SEMA6D: variants seen among roughly 807,000 people sequenced by gnomAD.
The protein encoded by SEMA6D is semaphorin-6D.
A neutral mutation model predicts 106.6 loss-of-function variants in SEMA6D; 35 were observed. The observed-to-expected ratio is 0.33, with a 90% confidence interval of 0.25 to 0.44. SEMA6D has a LOEUF of 0.44. SEMA6D is among the 20% of genes least tolerant of loss of function. The pLI is 1.00. For synonymous variants in SEMA6D, 499 were observed against 487.7 expected (o/e 1.02, Z -0.31); for missense variants, 1,185 against 1,345.9 (o/e 0.88, Z 1.87).
intron 1 of SEMA6D, among the ~76,000 whole-genome samples, chr15:47,737,110 G>C (rs1383226562): frequency 1.3e-5 from 2 of 152,120 alleles, no homozygotes; most frequent in Non-Finnish European, 2.9e-5. Flanking sequence ...GAAGGAAAAA[G>C]GGAGCAAAAA....
intron 1 of SEMA6D, 104 bp from the exon 2 acceptor site, chr15:47,759,641 G>A: frequency 1.6e-6 from 1 of 614,814 alleles, no homozygotes; most frequent in Non-Finnish European, 2.9e-6. Context: ...CCTGGTGGGA[G>A]AGGGGCTTTG....
At chr15:47,258,487 C>A (rs571930093) in intron 1 of SEMA6D, among the ~76,000 whole-genome samples, 264 of 152,240 alleles carry the variant, frequency 1.7e-3, no homozygotes, top group South Asian at 5.4e-3. Context: ...CCAAATAGAA[C>A]AAAAAGGTGG....
At chr15:47,638,808 G>A (rs1245019974) in intron 4 of SEMA6D, among the ~76,000 whole-genome samples, 2 of 152,140 alleles carry the variant, frequency 1.3e-5, no homozygotes, top group Non-Finnish European at 2.9e-5. Context: ...TTTAAAAACC[G>A]GCTGCCTCAA....
chr15:47,728,004 G>A (rs2079874798), intron 1 of SEMA6D, among the ~76,000 whole-genome samples: 2 of 152,218 alleles, frequency 1.3e-5, no homozygotes, highest in African/African-American at 4.8e-5. Flanking sequence ...GAAATGGTTT[G>A]GGTTGCAGTG....
chr15:47,555,313 C>T (rs757503614), intron 3 of SEMA6D, among the ~76,000 whole-genome samples: 16 of 152,084 alleles, frequency 1.1e-4, no homozygotes, highest in African/African-American at 7.2e-5. Context: ...TTTCTCATAA[C>T]GGTTATCTGT....
chr15:47,259,715 T>G (rs2142059601), intron 1 of SEMA6D, among the ~76,000 whole-genome samples: 1 of 152,248 alleles, frequency 6.6e-6, no homozygotes, highest in Admixed American at 6.5e-5. Flanking sequence ...GTACATTGGG[T>G]TTTTTACCCA....
At chr15:47,518,321 T>A (rs1326062986) in intron 3 of SEMA6D, among the ~76,000 whole-genome samples, 1 of 152,186 alleles carries the variant, frequency 6.6e-6, no homozygotes, top group Non-Finnish European at 1.5e-5. Context: ...AGGATAAGCC[T>A]TTGTCTTATC....
intron 1 of SEMA6D, among the ~76,000 whole-genome samples, chr15:47,255,527 T>C (rs1347492635): frequency 6.6e-6 from 1 of 152,092 alleles, no homozygotes; most frequent in Non-Finnish European, 1.5e-5. Context: ...TAACATTAGG[T>C]TATTAGAGAC....
At chr15:47,193,338 A>G (rs1055079817) in intron 1 of SEMA6D, among the ~76,000 whole-genome samples, 1 of 152,226 alleles carries the variant, frequency 6.6e-6, no homozygotes, top group Non-Finnish European at 1.5e-5. Context: ...GAGCACAGAC[A>G]TGACACTCAC....
Position 47,765,948 on chromosome 15 carries a change from T to C in SEMA6D, c.1507T>C (p.Phe503Leu), listed in dbSNP as rs763400753. The C allele has an allele frequency of 3.8e-6, 6 of 1,586,982 alleles. No homozygotes were observed. The South Asian group carries it at 7.0e-5, about 19-fold the overall frequency. The change falls in exon 14 of 19, where the codon TTC becomes CTC. Residue 503 changes from phenylalanine to leucine, a missense_variant. Around this residue, in one of 3 missense-constraint regions of SEMA6D, gnomAD observed 750 missense variants for 783.5 expected, o/e 0.96. Coordinates refer to ENST00000536845, the MANE Select transcript of SEMA6D (RefSeq NM_001358351.3). ...AGATCACCACGCTTTATATGTGGCG[T>C]TCTCTAGCTGCATTATCCGCATCCC... ...DKDHHALYVA[F>L]SSCIIRIPLS... is the part of the protein sequence containing the mutation.
intron 4 of SEMA6D, among the ~76,000 whole-genome samples, chr15:47,681,858 GATC>G (rs1254574989): frequency 6.6e-6 from 1 of 152,108 alleles, no homozygotes; most frequent in Non-Finnish European, 1.5e-5. Context: ...CTGAAGAAGA[GATC>G]ATCATGGGGA....
chr15:47,317,965 TC>T (rs1157262704), intron 1 of SEMA6D, among the ~76,000 whole-genome samples: 1 of 151,148 alleles, frequency 6.6e-6, no homozygotes, highest in Non-Finnish European at 1.5e-5. Flanking sequence ...GTTTTTTTCT[TC>T]CCCTTTGGCA....
Position 47,459,525 on chromosome 15 carries a change from A to C in SEMA6D, c.-158-10949A>C, listed in dbSNP as rs1007309537. The stretch of plus-strand genomic sequence containing the variant: ...CAAGAAAAACCTAGCTTGGTTTTGC[A>C]CTGGGTGGTGGTGACTTACTAAACA... On this transcript the variant is annotated intron_variant, in intron 2 of 19. Transcript: ENST00000558014. Among the ~76,000 whole-genome samples the C allele has an allele frequency of 6.6e-5, 10 of 152,088 alleles. No homozygotes were observed. The East Asian group carries it at 1.9e-3, about 29-fold the overall frequency.
rs79158815 is a variant in SEMA6D at position 47,444,587 on chromosome 15, G to A, written c.-158-25887G>A. ...AGAATGAGCTAGACTAGTTTATTGC[G>A]AGAGAAATAAAATTACTCTAAGTCA... is the stretch of plus-strand genomic sequence containing the variant. On this transcript the variant is annotated intron_variant, in intron 2 of 19. Coordinates refer to the SEMA6D transcript ENST00000558014. Among the ~76,000 whole-genome samples, 1,364 of 152,198 alleles carry A rather than the reference G, an allele frequency of 9.0e-3. 20 individuals are homozygous for A. The highest frequency in any genetic ancestry group is 0.032 in the African/African-American group (1,309 of 41,540).
chr15:47,752,151 T>G (rs1048405676), intron 1 of SEMA6D, among the ~76,000 whole-genome samples: 1 of 152,204 alleles, frequency 6.6e-6, no homozygotes, highest in Non-Finnish European at 1.5e-5. Context: ...ACTGGAGGAT[T>G]ATGAGATGCC....
chr15:47,759,766 G>A lies in SEMA6D; in HGVS notation c.-33G>A, dbSNP rs763037819. ...CCAGGTAGCTCAGTGGCATTTCTGA[G>A]CAGGGGCCACCCTGACTTCACCTTG... On this transcript the variant is annotated 5_prime_UTR_variant, in exon 2 of 19. Transcript: ENST00000536845. The A allele has an allele frequency of 2.0e-6, 3 of 1,522,084 alleles. No individual in the cohort carries two copies. Among genetic ancestry groups the A allele is most frequent in the Admixed American group, 1.7e-5 (1 of 59,836 alleles). The allele number at this position is 1,522,084 out of a possible 1,614,324, so 94.3% of individuals were successfully genotyped here.
chr15:47,464,358 G>A (rs1242244878), intron 2 of SEMA6D, among the ~76,000 whole-genome samples: 1 of 152,170 alleles, frequency 6.6e-6, no homozygotes, highest in East Asian at 1.9e-4. Context: ...AGCCCCTGCA[G>A]CACCCCCACC....
At chr15:47,255,369 A>T (rs1020997358) in intron 1 of SEMA6D, among the ~76,000 whole-genome samples, 3 of 151,162 alleles carry the variant, frequency 2.0e-5, no homozygotes, top group Non-Finnish European at 4.4e-5. Context: ...TGTCAATTTT[A>T]CTTATTTTTT....
chr15:47,664,896 C>T (rs944940749), intron 4 of SEMA6D, among the ~76,000 whole-genome samples: 1 of 152,192 alleles, frequency 6.6e-6, no homozygotes, highest in African/African-American at 2.4e-5. Context: ...GCTGGGCAGC[C>T]CCAGTGAATA....
Sources: gnomAD v4.1 joint callset for allele counts (sites outside exome capture counted in the v4.1 genomes callset) on GRCh38, gnomAD v4.1.1 for gene constraint, gnomAD v4.1.1 regional missense constraint, MANE v1.5 for transcripts, NCBI Gene and HGNC (gene_info 2026-07-23, HGNC 2026-07-21) for gene names.